The following KIAA1328 variants were observed in gnomAD, a reference collection of about 807,000 sequenced individuals.
KIAA1328 encodes protein hinderin.
In KIAA1328, 52 loss-of-function variants were observed where a neutral mutation model predicts 68.1. The ratio of observed to expected loss-of-function variants is 0.76; its 90% confidence interval spans 0.61 to 0.96. The LOEUF (loss-of-function observed/expected upper bound fraction) is 0.96, where lower values mean the gene tolerates loss of function less well. Ranked by LOEUF, KIAA1328 falls within the 40% of genes least tolerant of loss-of-function variation. KIAA1328 has a pLI of 0.00. For synonymous variants in KIAA1328, 232 were observed against 239.4 expected, an observed-to-expected ratio of 0.97 and a Z score of 0.28; for missense variants, 641 against 677.6, an observed-to-expected ratio of 0.95 and a Z score of 0.60.
chr18:37,111,565 A>G (rs2057930798), intron 7 of KIAA1328, among the ~76,000 whole-genome samples: 2 of 152,208 alleles, frequency 1.3e-5, no homozygotes, highest in Non-Finnish European at 2.9e-5. Context: ...AGGTTCCAAA[A>G]TGGCCAAATA....
At chr18:37,219,407 T>A (rs1177681125) in intron 9 of KIAA1328, among the ~76,000 whole-genome samples, 2 of 152,230 alleles carry the variant, frequency 1.3e-5, no homozygotes, top group East Asian at 3.9e-4. Context: ...TGCTGCCTTC[T>A]GTTCAGCTCT....
At chr18:37,025,096 T>A (rs2054514636) in intron 6 of KIAA1328, among the ~76,000 whole-genome samples, 1 of 152,188 alleles carries the variant, frequency 6.6e-6, no homozygotes, top group Non-Finnish European at 1.5e-5. Flanking sequence ...GGCATCTCAT[T>A]GTGGTTTTGA....
intron 7 of KIAA1328, among the ~76,000 whole-genome samples, chr18:37,106,600 A>G (rs951380442): frequency 6.6e-6 from 1 of 151,692 alleles, no homozygotes; most frequent in Non-Finnish European, 1.5e-5. Context: ...TGTATTTTTG[A>G]TAGAGACTGG....
At chr18:37,111,972 G>A (rs1445622133) in intron 7 of KIAA1328, among the ~76,000 whole-genome samples, 1 of 152,220 alleles carries the variant, frequency 6.6e-6, no homozygotes, top group African/African-American at 2.4e-5. Flanking sequence ...TGAGGTGGGT[G>A]GAGGGACGTC....
At chr18:37,195,924 A>G (rs185574173) in intron 9 of KIAA1328, among the ~76,000 whole-genome samples, 15 of 152,216 alleles carry the variant, frequency 9.9e-5, no homozygotes, top group Admixed American at 1.3e-4. Context: ...AATTCTTTCA[A>G]TCCATGAGCA....
Position 36,840,477 on chromosome 18 carries a change from ACAGAGTCTGGCTCTGTAGC to A in KIAA1328, c.238-3729_238-3711del, listed in dbSNP as rs776281122. Among the ~76,000 whole-genome samples, 487 of 127,512 alleles carry A rather than the reference ACAGAGTCTGGCTCTGTAGC, an allele frequency of 3.8e-3. 2 individuals are homozygous for A. The highest frequency in any genetic ancestry group is 0.024 in the Middle Eastern group (5 of 210). The allele number at this position is 127,512 out of a possible 152,430, so 83.7% of individuals were successfully genotyped here. A position where few individuals can be genotyped will look rare whatever the true frequency, so the allele number is the denominator to read the frequency against. On this transcript the variant is annotated intron_variant, in intron 3 of 9. Transcript: ENST00000280020. ...CTTGTGATTTTTTTTTTTTTTTTTG[ACAGAGTCTGGCTCTGTAGC>A]CCAGGTACAGTGGCATGGTCTCGGC...
chr18:36,890,620 G>A (rs750773032), intron 5 of KIAA1328, among the ~76,000 whole-genome samples: 3 of 152,130 alleles, frequency 2.0e-5, no homozygotes, highest in Non-Finnish European at 4.4e-5. Context: ...GCAGAGAGCC[G>A]AGATTGTGCC....
At chr18:37,192,399 C>T (rs138934277) in intron 9 of KIAA1328, among the ~76,000 whole-genome samples, 53 of 152,244 alleles carry the variant, frequency 3.5e-4, no homozygotes, top group Admixed American at 6.5e-4. Context: ...AATGTGCTTT[C>T]AATAATGTGT....
At chr18:37,207,044 G>C (rs889523801) in intron 9 of KIAA1328, among the ~76,000 whole-genome samples, 1 of 152,152 alleles carries the variant, frequency 6.6e-6, no homozygotes, top group Non-Finnish European at 1.5e-5. Flanking sequence ...AGATAAGAGA[G>C]AATATGATGG....
intron 7 of KIAA1328, among the ~76,000 whole-genome samples, chr18:37,126,911 A>G (rs1479540706): frequency 6.6e-6 from 1 of 152,148 alleles, no homozygotes; most frequent in African/African-American, 2.4e-5. Flanking sequence ...CTCTCAATAT[A>G]CTAGTAATAG....
intron 3 of KIAA1328, among the ~76,000 whole-genome samples, chr18:36,839,909 T>C (rs1049799482): frequency 2.0e-5 from 3 of 152,196 alleles, no homozygotes; most frequent in African/African-American, 7.2e-5. Context: ...TTTGGGCTCT[T>C]TCCCCGGGAT....
chr18:36,889,572 G>A (rs142305942), intron 5 of KIAA1328, among the ~76,000 whole-genome samples: 165 of 152,288 alleles, frequency 1.1e-3, no homozygotes, highest in African/African-American at 3.7e-3. Flanking sequence ...TTTTAGCACT[G>A]AGTAGCTATC....
At chr18:37,067,647 G>A (rs560309452) in intron 7 of KIAA1328, 102 bp downstream of exon 7, 185 of 1,236,324 alleles carry the variant, frequency 1.5e-4, no homozygotes, top group Non-Finnish European at 1.8e-4. Context: ...TGCAGCCTCC[G>A]CCTCCCGAGT....
intron 7 of KIAA1328, among the ~76,000 whole-genome samples, chr18:37,151,429 A>T (rs1488470322): frequency 6.6e-6 from 1 of 152,206 alleles, no homozygotes; most frequent in Non-Finnish European, 1.5e-5. Context: ...ACTTATTCTG[A>T]AATTTATATG....
At chr18:36,881,510 A>G (rs1426068897) in intron 4 of KIAA1328, among the ~76,000 whole-genome samples, 2 of 152,300 alleles carry the variant, frequency 1.3e-5, no homozygotes, top group East Asian at 1.9e-4. Context: ...CATTTTTTAA[A>G]CAGCGTATTC....
At chr18:36,940,379 C>T (rs1392873936) in intron 5 of KIAA1328, among the ~76,000 whole-genome samples, 1 of 152,194 alleles carries the variant, frequency 6.6e-6, no homozygotes, top group Admixed American at 6.5e-5. Context: ...ACTTAGACTT[C>T]CTTCCTGACA....
chr18:36,914,444 G>A (rs975229876), intron 5 of KIAA1328, among the ~76,000 whole-genome samples: 14 of 152,200 alleles, frequency 9.2e-5, no homozygotes, highest in Middle Eastern at 6.8e-3. Context: ...ATCCAGGGCC[G>A]GGCGTGGTGG....
intron 4 of KIAA1328, among the ~76,000 whole-genome samples, chr18:36,854,979 C>A (rs937855013): frequency 7.2e-5 from 11 of 152,124 alleles, no homozygotes; most frequent in African/African-American, 2.7e-4. Context: ...TAATGTGTAG[C>A]AATACTTCAT....
intron 9 of KIAA1328, among the ~76,000 whole-genome samples, chr18:37,206,510 GTCATTTAAGTTT>G (rs1212475387): frequency 6.6e-6 from 1 of 152,128 alleles, no homozygotes; most frequent in Non-Finnish European, 1.5e-5. Flanking sequence ...TGTTCCTGCT[GTCATTTAAGTTT>G]TCTACAATCT....
Sources: gnomAD v4.1 joint callset for allele counts (sites outside exome capture counted in the v4.1 genomes callset) on GRCh38, gnomAD v4.1.1 for gene constraint, MANE v1.5 for transcripts, NCBI Gene and HGNC (gene_info 2026-07-23, HGNC 2026-07-21) for gene names.